Variants in OPA1 observed in about 807,000 individuals in gnomAD.
OPA1 encodes the protein dynamin-like GTPase OPA1, mitochondrial.
Under a neutral mutation model 152.9 loss-of-function variants are expected in OPA1, and 59 were observed. The observed-to-expected ratio is 0.39, with a 90% CI of 0.31 to 0.48. The LOEUF (loss-of-function observed/expected upper bound fraction) is 0.48. OPA1 is among the 20% of genes least tolerant of loss of function. The pLI, the probability that OPA1 is intolerant of heterozygous loss-of-function variation, is 0.96. For missense variants in OPA1, 1,008 were observed against 1,216.8 expected (o/e 0.83, Z 2.55); for synonymous variants, 400 against 389.9 (o/e 1.03, Z -0.31).
chr3:193,632,796 A>C (rs569748072), intron 8 of OPA1, among the ~76,000 whole-genome samples: 1 of 152,312 alleles, frequency 6.6e-6, no homozygotes, highest in African/African-American at 2.4e-5. Context: ...CTTGAGCCCC[A>C]GGAGGTCAAG....
At chr3:193,690,004 T>TA (rs753289841) in intron 29 of OPA1, among the ~76,000 whole-genome samples, 35 of 150,276 alleles carry the variant, frequency 2.3e-4, no homozygotes, top group Non-Finnish European at 3.7e-4. Flanking sequence ...GAAACTTTCT[T>TA]ACATTCACTG....
At chr3:193,694,467 CTATA>C (rs1215154003) in intron 30 of OPA1, 135 bp from the exon 31 acceptor site, 1 of 152,164 alleles carries the variant, frequency 6.6e-6, no homozygotes, top group Admixed American at 6.5e-5. Context: ...CGGTGATAGA[CTATA>C]TAAGTTTAGT....
chr3:193,626,496 A>C (rs1286706860), intron 7 of OPA1, among the ~76,000 whole-genome samples: 1 of 152,190 alleles, frequency 6.6e-6, no homozygotes, highest in Non-Finnish European at 1.5e-5. Context: ...TATGTGGTCC[A>C]GTTATTGAGT....
intron 1 of OPA1, among the ~76,000 whole-genome samples, chr3:193,612,138 T>C (rs1452706906): frequency 1.3e-5 from 2 of 152,154 alleles, no homozygotes; most frequent in African/African-American, 4.8e-5. Flanking sequence ...TTTTTGAGAC[T>C]TTTCCCTTGG....
intron 6 of OPA1, among the ~76,000 whole-genome samples, chr3:193,622,252 C>T (rs1388906728): frequency 7.4e-5 from 5 of 67,668 alleles, no homozygotes; most frequent in East Asian, 4.1e-4. Context: ...TTTTTTGAGA[C>T]GGAGTCTCAC....
chr3:193,677,634 AG>A (rs1719401055), intron 29 of OPA1, among the ~76,000 whole-genome samples: 2 of 152,208 alleles, frequency 1.3e-5, no homozygotes, highest in South Asian at 4.1e-4. Context: ...ACAGTTCTCC[AG>A]GTAGTTGGAG....
At position 193,662,923 on chromosome 3, in the gene OPA1, G is replaced by A. The variant is rs377280422; in HGVS notation, c.2622G>A (p.Lys874=). ...GTGATGAAATAACCACAGTCCGGAAGAACCTTGAATCCCGAGGAGTAGAAG... is the reference window on the plus strand; with the variant it reads ...GTGATGAAATAACCACAGTCCGGAAAAACCTTGAATCCCGAGGAGTAGAAG... The part of the protein sequence containing the change: ...LASDEITTVR[K]NLESRGVEVD... The change falls in exon 26 of 31, where the codon AAG becomes AAA. Residue 874 remains lysine, a synonymous_variant. Transcript: ENST00000361510. 29 of 1,613,576 alleles carry A rather than the reference G, an allele frequency of 1.8e-5. No individual in the cohort carries two copies. The Admixed American group carries it at 2.0e-4, about 11-fold the overall frequency.
chr3:193,622,905 CT>C (rs1308586532), intron 6 of OPA1, among the ~76,000 whole-genome samples: 1 of 152,122 alleles, frequency 6.6e-6, no homozygotes, highest in African/African-American at 2.4e-5. Flanking sequence ...CAATTTTTTG[CT>C]CTCATTACCT....
intron 30 of OPA1, among the ~76,000 whole-genome samples, chr3:193,694,168 G>A (rs1722035066): frequency 6.6e-6 from 1 of 152,106 alleles, no homozygotes; most frequent in African/African-American, 2.4e-5. Context: ...AGTATCTTGT[G>A]ATCTGGACAG....
At chr3:193,664,189 C>T (rs979145379) in intron 26 of OPA1, among the ~76,000 whole-genome samples, 6 of 151,970 alleles carry the variant, frequency 3.9e-5, no homozygotes, top group South Asian at 2.1e-4. Context: ...CAAAGTACCA[C>T]GAGAAGAATA....
intron 30 of OPA1, among the ~76,000 whole-genome samples, chr3:193,693,090 G>A (rs898655845): frequency 1.3e-5 from 2 of 152,204 alleles, no homozygotes; most frequent in Non-Finnish European, 2.9e-5. Context: ...CCTGCAGCAG[G>A]CTCAGAACTA....
At chr3:193,615,870 G>A (rs760570246) in intron 3 of OPA1, 100 bp downstream of exon 3, 10 of 777,812 alleles carry the variant, frequency 1.3e-5, no homozygotes, top group Middle Eastern at 2.7e-4. Flanking sequence ...AATATATCAC[G>A]GTTTTATTTT....
At chr3:193,676,186 T>C (rs1718946227) in intron 29 of OPA1, among the ~76,000 whole-genome samples, 1 of 152,244 alleles carries the variant, frequency 6.6e-6, no homozygotes, top group Non-Finnish European at 1.5e-5. Flanking sequence ...AAGTACTTTT[T>C]GGAATGATTA....
At chr3:193,596,341 C>CTTAA (rs1577105004) in intron 1 of OPA1, among the ~76,000 whole-genome samples, 5 of 132,962 alleles carry the variant, frequency 3.8e-5, no homozygotes, top group African/African-American at 1.5e-4. Context: ...CTTTCCTTTT[C>CTTAA]TTTTCTTTTC....
intron 29 of OPA1, among the ~76,000 whole-genome samples, chr3:193,690,303 T>TC (rs756588445): frequency 3.8e-4 from 18 of 47,122 alleles, no homozygotes; most frequent in African/African-American, 9.6e-4. Context: ...ACAACTGGAC[T>TC]CCCCCCCCAC....
At chr3:193,676,839 G>A (rs1353805249) in intron 29 of OPA1, among the ~76,000 whole-genome samples, 1 of 152,074 alleles carries the variant, frequency 6.6e-6, no homozygotes, top group Admixed American at 6.5e-5. Context: ...AATTTAGCCA[G>A]GCGTGGTGGC....
At chr3:193,651,024 G>A (rs561620383) in intron 21 of OPA1, among the ~76,000 whole-genome samples, 3 of 152,238 alleles carry the variant, frequency 2.0e-5, no homozygotes, top group South Asian at 2.1e-4. Flanking sequence ...TAAGGGCCAC[G>A]AGATGAGAAC....
At chr3:193,599,749 G>C (rs1726176812) in intron 1 of OPA1, among the ~76,000 whole-genome samples, 1 of 152,110 alleles carries the variant, frequency 6.6e-6, no homozygotes, top group Non-Finnish European at 1.5e-5. Context: ...CTTCAGACAA[G>C]TTAAATTTGA....
intron 1 of OPA1, chr3:193,614,071 C>T (rs1577153275): frequency 2.1e-6 from 1 of 480,364 alleles, no homozygotes; most frequent in Non-Finnish European, 4.1e-6. Context: ...GAGGGTGGAG[C>T]TCTACAGTCA....
Sources: allele counts gnomAD v4.1 joint callset (sites outside exome capture counted in the v4.1 genomes callset), GRCh38; gene constraint gnomAD v4.1.1; transcripts MANE v1.5; gene names NCBI Gene and HGNC (gene_info 2026-07-23, HGNC 2026-07-21).